The following RHOBTB3 variants were observed in gnomAD, a reference collection of about 807,000 sequenced individuals.
RHOBTB3 encodes the protein Rho related BTB domain containing 3, also known as rho-related BTB domain-containing protein 3.
In RHOBTB3, 47 loss-of-function variants were observed where a neutral mutation model predicts 67.2. The observed-to-expected ratio is 0.70, with a 90% CI of 0.55 to 0.89. RHOBTB3 has a LOEUF of 0.89. Among genes scored for constraint, RHOBTB3 ranks in the 40% least tolerant of loss-of-function variants. The pLI is 0.00. For missense variants in RHOBTB3, 631 were observed against 750.0 expected (o/e 0.84, Z 1.85); for synonymous variants, 273 against 274.2 (o/e 1.00, Z 0.04).
rs756879282 is a variant in RHOBTB3, at chr5:95,731,725, G to A, written c.2+41G>A. 6.8e-6 allele frequency: 11 copies of A among 1,612,510 alleles called. No homozygotes were observed. In the East Asian group the frequency reaches 1.6e-4, roughly 23 times the overall value. On this transcript the variant is annotated intron_variant, in intron 1 of 11. Coordinates refer to ENST00000379982, the MANE Select transcript of RHOBTB3 (RefSeq NM_014899.4). ...CGTCCTGCCATTGTCTCTCTCCAGC[G>A]CGTGCCGTGCGCCCCAGGGACAGGG...
At position 95,795,315 on chromosome 5, in the gene RHOBTB3, A is replaced by G. The variant is rs1746538103; in HGVS notation, c.*2141A>G. 2 of 152,332 alleles carry G rather than the reference A, an allele frequency of 1.3e-5. No individual in the cohort carries two copies. The highest frequency in any genetic ancestry group is 1.3e-4 in the Admixed American group (2 of 15,298). The allele number at this position is 152,332 out of a possible 1,614,324, so 9.4% of individuals were successfully genotyped here. On this transcript the variant is annotated 3_prime_UTR_variant, in exon 12 of 12. Transcript: ENST00000379982. ...CATTGTAAAAAACAGATACTGTGGT[A>G]GATTTCTAGAAATTCATTCACATTT...
rs1170400155 is a variant in RHOBTB3, at chr5:95,764,947, G to C, written c.1161+1327G>C. Reference sequence around the variant, plus strand: ...TTTACAAGTATATGGCAGGATGGTAGCTCTTGCAGTCTAATTCAACTAAAT... The same window carrying C: ...TTTACAAGTATATGGCAGGATGGTACCTCTTGCAGTCTAATTCAACTAAAT... On this transcript the variant is annotated intron_variant, in intron 7 of 11. Coordinates refer to ENST00000379982, the MANE Select transcript of RHOBTB3 (RefSeq NM_014899.4). Among the ~76,000 whole-genome samples, 3 of 152,020 alleles carry C rather than the reference G, an allele frequency of 2.0e-5. No individual in the cohort carries two copies. The East Asian group carries it at 5.8e-4, about 29-fold the overall frequency.
upstream of RHOBTB3, among the ~76,000 whole-genome samples, chr5:95,726,941 G>A (rs1755071352): frequency 6.6e-6 from 1 of 151,686 alleles, no homozygotes; most frequent in Non-Finnish European, 1.5e-5. Flanking sequence ...TTAACTAGTA[G>A]TAAAGCTTAA....
At chr5:95,771,570 C>T (rs146003430) in intron 8 of RHOBTB3, among the ~76,000 whole-genome samples, 161 of 152,278 alleles carry the variant, frequency 1.1e-3, no homozygotes, top group Non-Finnish European at 1.7e-3. Flanking sequence ...ATCATGCTTT[C>T]GTCATTTTAG....
chr5:95,761,056 T>A (rs894477676), intron 6 of RHOBTB3, among the ~76,000 whole-genome samples: 2 of 152,210 alleles, frequency 1.3e-5, no homozygotes, highest in African/African-American at 4.8e-5. Context: ...CTGTGGGGAT[T>A]TACCTGCTAC....
rs1281955150 is a variant in RHOBTB3, at chr5:95,754,383, C to CATGGCCATTTAGGGTTCTGTAA, written c.683-1012_683-1011insTGGCCATTTAGGGTTCTGTAAA. On this transcript the variant is annotated intron_variant, in intron 5 of 11. Transcript: ENST00000379982. ...CATTTAGGGTTCTGTAAAGGGGCCA[C>CATGGCCATTTAGGGTTCTGTAA]AGGCAGTAGAAGGGAGGAGGGTGGA... Among the ~76,000 whole-genome samples the CATGGCCATTTAGGGTTCTGTAA allele has an allele frequency of 2.0e-5, 3 of 152,154 alleles. No individual in the cohort carries two copies. In the East Asian group the frequency reaches 5.8e-4, roughly 29 times the overall value.
Position 95,752,325 on chromosome 5 carries a change from T to C in RHOBTB3, c.657T>C (p.Ile219=). Reference sequence around the variant, plus strand: ...AAATGAGCAACTCCTTTCATGGAATTAGACCACCTCAACTTGAACAACCAG... The same window carrying C: ...AAATGAGCAACTCCTTTCATGGAATCAGACCACCTCAACTTGAACAACCAG... ...KRKMSNSFHG[I]RPPQLEQPEK... is the part of the protein sequence containing the mutation. Residue 219 remains isoleucine (I), a synonymous_variant, in exon 5 of 12, where the codon ATT becomes ATC. Transcript: ENST00000379982. The C allele has an allele frequency of 6.2e-7, 1 of 1,606,326 alleles. No homozygotes were observed. Among genetic ancestry groups the C allele is most frequent in the Non-Finnish European group, 8.5e-7 (1 of 1,176,326 alleles).
chr5:95,730,797 T>C (rs1755199537), upstream of RHOBTB3: 4 of 434,982 alleles, frequency 9.2e-6, no homozygotes, highest in South Asian at 6.5e-5. Flanking sequence ...CAAAGAACTC[T>C]TTCTGCAGCA....
intron 8 of RHOBTB3, among the ~76,000 whole-genome samples, chr5:95,778,746 C>A (rs1252624352): frequency 6.6e-6 from 1 of 152,176 alleles, no homozygotes; most frequent in African/African-American, 2.4e-5. Context: ...AATGGCATGA[C>A]CTGTTTGTAT....
At chr5:95,769,190 G>A in intron 8 of RHOBTB3, 3 of 346,622 alleles carry the variant, frequency 8.7e-6, no homozygotes, top group Admixed American at 5.9e-5. Context: ...ATTGAATGAA[G>A]CTAGGGAAGT....
At chr5:95,759,171 G>C (rs1185747692) in intron 6 of RHOBTB3, among the ~76,000 whole-genome samples, 1 of 152,234 alleles carries the variant, frequency 6.6e-6, no homozygotes, top group Non-Finnish European at 1.5e-5. Context: ...AACCAGTTCA[G>C]AGTCCTGGCT....
At chr5:95,735,756 G>C (rs1045027412) in intron 2 of RHOBTB3, among the ~76,000 whole-genome samples, 12 of 152,178 alleles carry the variant, frequency 7.9e-5, no homozygotes, top group African/African-American at 2.9e-4. Context: ...GATACCTAAA[G>C]ATATTTTCCT....
intron 6 of RHOBTB3, among the ~76,000 whole-genome samples, chr5:95,761,340 T>C (rs1037687356): frequency 3.2e-5 from 4 of 125,032 alleles, no homozygotes; most frequent in African/African-American, 1.5e-4. Flanking sequence ...CTTTTTCCTC[T>C]TTTTTTTTTT....
intron 5 of RHOBTB3, among the ~76,000 whole-genome samples, chr5:95,754,181 A>T (rs570099003): frequency 9.2e-5 from 14 of 152,322 alleles, no homozygotes; most frequent in African/African-American, 3.4e-4. Flanking sequence ...GGCTTTCAAA[A>T]GTGTCTCTTC....
At chr5:95,732,397 T>A (rs577351413) in intron 2 of RHOBTB3, 2 of 558,990 alleles carry the variant, frequency 3.6e-6, no homozygotes, top group South Asian at 2.6e-5. Context: ...ACGGGGTCAC[T>A]AAGTTTCATC....
chr5:95,766,826 G>A (rs567582705), intron 7 of RHOBTB3, among the ~76,000 whole-genome samples: 4 of 152,204 alleles, frequency 2.6e-5, no homozygotes, highest in South Asian at 2.1e-4. Context: ...GAGAGTCTCC[G>A]GAACGCCAGA....
intron 8 of RHOBTB3, among the ~76,000 whole-genome samples, chr5:95,773,524 G>C (rs912498583): frequency 6.6e-6 from 1 of 152,178 alleles, no homozygotes; most frequent in African/African-American, 2.4e-5. Flanking sequence ...TTGGCTTTGC[G>C]TCTTGACCAG....
In RHOBTB3 at chr5:95,795,981, A is replaced by C. The variant is rs781754788; in HGVS notation, c.*2807A>C. 2.6e-5 allele frequency: 4 copies of C among 152,096 alleles called. No homozygotes were observed. Among genetic ancestry groups the C allele is most frequent in the African/African-American group, 7.2e-5 (3 of 41,440 alleles). The allele number at this position is 152,096 out of a possible 1,614,324, so 9.4% of individuals were successfully genotyped here. A position where few individuals can be genotyped will look rare whatever the true frequency, so the allele number is the denominator to read the frequency against. ...CTATTTAACCCTTTGTATATTTCTG[A>C]CTGCTCACTGTTCATATTATAGGGG... On this transcript the variant is annotated 3_prime_UTR_variant, in exon 12 of 12. Transcript: ENST00000379982.
intron 7 of RHOBTB3, among the ~76,000 whole-genome samples, chr5:95,764,870 AT>A (rs569063999): frequency 1.9e-3 from 274 of 146,066 alleles, no homozygotes; most frequent in Middle Eastern, 3.6e-3. Context: ...AAGGGGTAAG[AT>A]TTTTTTTTTT....
Sources: allele counts gnomAD v4.1 joint callset (sites outside exome capture counted in the v4.1 genomes callset), GRCh38; gene constraint gnomAD v4.1.1; transcripts MANE v1.5; gene names NCBI Gene and HGNC (gene_info 2026-07-23, HGNC 2026-07-21).